CHTF18: variants seen among roughly 807,000 people sequenced by gnomAD.
CHTF18 encodes the protein chromosome transmission fidelity protein 18 homolog.
In CHTF18, 151 loss-of-function variants were observed where a neutral mutation model predicts 113.4. The observed-to-expected ratio is 1.33, with a 90% CI of 1.17 to 1.52. The LOEUF is 1.52. CHTF18 is among the 40% of genes most tolerant of loss of function. The pLI, the probability that CHTF18 is intolerant of heterozygous loss-of-function variation, is 0.00. For missense variants in CHTF18, 1,982 were observed against 1,381.6 expected, an observed-to-expected ratio of 1.43 and a Z score of -6.89; for synonymous variants, 916 against 598.8, an observed-to-expected ratio of 1.53 and a Z score of -7.74.
chr16:791,254 G>A lies in CHTF18; in HGVS notation c.988G>A (p.Glu330Lys), dbSNP rs368568398. 3.3e-4 allele frequency: 528 copies of A among 1,610,412 alleles called. No homozygotes were observed. The highest frequency in any genetic ancestry group is 5.0e-4 in the Admixed American group (30 of 59,812). Residue 330 changes from glutamate to lysine, a missense_variant, in exon 8 of 22, where the codon GAG becomes AAG. Physicochemically the swap from Glu to Lys is moderately conservative, Grantham distance 56. Transcript: ENST00000262315. ...RPSRKPRPSV[E>K]PARVSKEATA... ...TTCCCGGAAGCCCAGGCCCAGTGTT[G>A]AGCCGGCCCGGGTCAGCAAGGAGGC...
chr16:790,581 C>T lies in CHTF18; in HGVS notation c.809C>T (p.Pro270Leu), dbSNP rs185394565. 20 of 1,595,906 alleles carry T rather than the reference C, an allele frequency of 1.3e-5. No individual in the cohort carries two copies. The East Asian group carries it at 1.6e-4, about 13-fold the overall frequency. The change falls in exon 7 of 22, where the codon CCG (proline) becomes CTG (leucine). Residue 270 changes from proline to leucine, a missense_variant. By Grantham distance (98) the Pro-to-Leu change is moderately conservative. Transcript: ENST00000262315. ...CCCTTGGGGGCCCCTGAGGAGGAGC[C>T]GACTGACGGTCAAGACGCCTCCAGT... ...AQPLGAPEEE[P>L]TDGQDASSHC...
In CHTF18 at chr16:792,608, C is replaced by G; in HGVS notation, c.1478+18C>G. 1 of 1,591,814 alleles carries G rather than the reference C, an allele frequency of 6.3e-7. No individual in the cohort carries two copies. The highest frequency in any genetic ancestry group is 1.8e-5 in the Admixed American group (1 of 56,724). ...AATGACCAGTGAGTGCATGGGCGGGCGCCACAGTCAGGAGAGGCTCTGGTG... is the reference window on the plus strand; with the variant it reads ...AATGACCAGTGAGTGCATGGGCGGGGGCCACAGTCAGGAGAGGCTCTGGTG... On this transcript the variant is annotated intron_variant, in intron 11 of 21. Transcript: ENST00000262315.
At position 791,897 on chromosome 16, in the gene CHTF18, C is replaced by T; in HGVS notation, c.1151C>T (p.Ala384Val). The change falls in exon 9 of 22, where the codon GCA becomes GTA. Residue 384 changes from alanine (A) to valine (V), a missense_variant. Physicochemically the swap from Ala to Val is moderately conservative, Grantham distance 64. Coordinates refer to ENST00000262315, the MANE Select transcript of CHTF18 (RefSeq NM_022092.3). The part of the protein sequence containing the change: ...GPPGLGKTTL[A>V]HVIARHAGYS... ...CCGGGGCTGGGGAAGACCACCCTGG[C>T]ACACGTGATTGCGCGTCACGCGGGG... 1.9e-6 allele frequency: 3 copies of T among 1,609,958 alleles called. No individual in the cohort carries two copies. The highest frequency in any genetic ancestry group is 2.5e-6 in the Non-Finnish European group (3 of 1,178,852).
intron 3 of CHTF18, 55 bp downstream of exon 3, chr16:789,415 G>A: frequency 6.5e-7 from 1 of 1,537,410 alleles, no homozygotes; most frequent in Non-Finnish European, 8.8e-7. Context: ...GACTCAGATG[G>A]AGCCCATCCC....
chr16:793,108 A>G lies in CHTF18; in HGVS notation c.1672-36A>G, dbSNP rs1381341996. 3 of 1,564,534 alleles carry G rather than the reference A, an allele frequency of 1.9e-6. No individual in the cohort carries two copies. In the South Asian group the frequency reaches 3.6e-5, roughly 19 times the overall value. On this transcript the variant is annotated intron_variant, in intron 13 of 21. Transcript: ENST00000262315. The stretch of plus-strand genomic sequence containing the variant: ...CCGGGTGGGGTGGGGTGGGGTCAGG[A>G]GTTGGCCGCTTCTCATGCCCCCGCC...
chr16:795,756 C>A lies in CHTF18; in HGVS notation c.2247C>A (p.Arg749=). The part of the protein sequence containing the change: ...TLVSGIAPAT[R]SRATPQALLL... ...TGTCCGGCATCGCGCCAGCCACGCG[C>A]AGCCGGGCCACGCCCCAGGCCCTGC... The change falls in exon 17 of 22, where the codon CGC becomes CGA. Residue 749 remains arginine (R), a synonymous_variant. Transcript: ENST00000262315. The A allele has an allele frequency of 6.2e-7, 1 of 1,608,956 alleles. No homozygotes were observed. The highest frequency in any genetic ancestry group is 1.3e-5 in the African/African-American group (1 of 74,172).
chr16:796,775 C>G lies in CHTF18; in HGVS notation c.2515C>G (p.Gln839Glu), dbSNP rs1207826064. 6.2e-7 allele frequency: 1 copy of G among 1,609,766 alleles called. No homozygotes were observed. Among genetic ancestry groups the G allele is most frequent in the Non-Finnish European group, 8.5e-7 (1 of 1,179,622 alleles). ...GCCTGCCCGCAAGCCCCTCACCTACCAGACGAAGCAGCTCATCGCCCGCGA... is the reference window on the plus strand; with the variant it reads ...GCCTGCCCGCAAGCCCCTCACCTACGAGACGAAGCAGCTCATCGCCCGCGA... ...ELPARKPLTY[Q>E]TKQLIAREIE... is the part of the protein sequence containing the mutation. The change falls in exon 19 of 22, where the codon CAG becomes GAG. Residue 839 changes from glutamine (Q) to glutamate (E), a missense_variant. Transcript: ENST00000262315.
Position 794,220 on chromosome 16 carries a change from A to G in CHTF18, c.1950+19A>G, listed in dbSNP as rs745629193. On this transcript the variant is annotated intron_variant, in intron 15 of 21. Coordinates refer to ENST00000262315, the MANE Select transcript of CHTF18 (RefSeq NM_022092.3). Reference sequence around the variant, plus strand: ...GGTCCAGGTACCTGTCTTCCACCAAAATGCCTGCCTGGGGCCGCCTGGCTA... The same window carrying G: ...GGTCCAGGTACCTGTCTTCCACCAAGATGCCTGCCTGGGGCCGCCTGGCTA... 10 of 1,605,494 alleles carry G rather than the reference A, an allele frequency of 6.2e-6. No individual in the cohort carries two copies. Among genetic ancestry groups the G allele is most frequent in the Admixed American group, 1.7e-5 (1 of 59,794 alleles).
intron 15 of CHTF18, 113 bp from the exon 16 acceptor site, chr16:795,019 C>T (rs9930217): frequency 0.29 from 250,212 of 862,564 alleles, 42,717 homozygotes; most frequent in African/African-American, 0.59. Context: ...TGCGAAGCCT[C>T]GTGGGGCAGG....
chr16:791,797 G>C (rs764844967), intron 8 of CHTF18, 54 bp from the exon 9 acceptor site: 2 of 1,543,942 alleles, frequency 1.3e-6, no homozygotes, highest in East Asian at 2.4e-5. Flanking sequence ...CTGCTAGGCC[G>C]GGAGCGTCCT....
intron 4 of CHTF18, 84 bp from the exon 5 acceptor site, chr16:790,093 C>G (rs771378877): frequency 1.3e-6 from 2 of 1,539,530 alleles, no homozygotes; most frequent in Admixed American, 2.0e-5. Context: ...TTGTCCCACC[C>G]GGGTCCCTGA....
rs1290585525 is a variant in CHTF18, at chr16:789,288, C to T, written c.365C>T (p.Pro122Leu). The T allele has an allele frequency of 2.5e-6, 4 of 1,587,366 alleles. No individual in the cohort carries two copies. The highest frequency in any genetic ancestry group is 1.8e-5 in the Admixed American group (1 of 56,542). Reference sequence around the variant, plus strand: ...TCGGAGGAGATGGAGGAGCCGCCCCCTCCCGACTCCTCGCCGACGGACATC... The same window carrying T: ...TCGGAGGAGATGGAGGAGCCGCCCCTTCCCGACTCCTCGCCGACGGACATC... ...FRSEEMEEPP[P>L]PDSSPTDITP... The change falls in exon 3 of 22, where the codon CCT becomes CTT. Residue 122 changes from proline (P) to leucine (L), a missense_variant. Physicochemically the swap from Pro to Leu is moderately conservative, Grantham distance 98 (BLOSUM62 -3). Transcript: ENST00000262315.
At chr16:791,681 C>G (rs1307893745) in intron 8 of CHTF18, 170 bp from the exon 9 acceptor site, 1 of 1,424,092 alleles carries the variant, frequency 7.0e-7, no homozygotes, top group Non-Finnish European at 9.1e-7. Context: ...GTTTTTTTTT[C>G]CGTTGCCATC....
rs1278725723 is a variant in CHTF18, at chr16:790,658, A to G, written c.886A>G (p.Ser296Gly). The G allele has an allele frequency of 1.3e-6, 2 of 1,571,012 alleles. No individual in the cohort carries two copies. ...ACCCCGCCACTACACGGAGCTGCTC[A>G]GTGATGACGTGAGGTCTTGTTCTCA... ...FAPRHYTELL[S>G]DDFTNRCLLK... The change falls in exon 7 of 22, where the codon AGT (serine) becomes GGT (glycine). Residue 296 changes from serine (S) to glycine (G), a missense_variant. Coordinates refer to ENST00000262315, the MANE Select transcript of CHTF18 (RefSeq NM_022092.3).
At chr16:789,184 T>TGGGCGCGAGGCTGAGGAGGCCTCC in intron 2 of CHTF18, 26 bp from the exon 3 acceptor site, 1 of 1,550,270 alleles carries the variant, frequency 6.5e-7, no homozygotes, top group South Asian at 1.2e-5. Context: ...AGGAGGCCTC[T>TGGGCGCGAGGCTGAGGAGGCCTCC]GGTTCCCTGC....
intron 14 of CHTF18, chr16:793,742 T>A: frequency 1.5e-6 from 1 of 660,624 alleles, no homozygotes; most frequent in South Asian, 1.5e-5. Context: ...TGGGAGACGC[T>A]GGCCTGGGCC....
Position 789,251 on chromosome 16 carries a change from C to G in CHTF18, c.328C>G (p.Leu110Val), listed in dbSNP as rs2042092978. 3 of 1,558,340 alleles carry G rather than the reference C, an allele frequency of 1.9e-6. No homozygotes were observed. Among genetic ancestry groups the G allele is most frequent in the Non-Finnish European group, 2.6e-6 (3 of 1,151,972 alleles). Residue 110 changes from leucine (L) to valine (V), a missense_variant, in exon 3 of 22, where the codon CTG (leucine) becomes GTG (valine). By Grantham distance (32) the Leu-to-Val change is conservative. Coordinates refer to ENST00000262315, the MANE Select transcript of CHTF18 (RefSeq NM_022092.3). ...KRPRLQVVKR[L>V]NFRSEEMEEP... The stretch of plus-strand genomic sequence containing the variant: ...GCCTAGGCTGCAGGTGGTCAAGAGG[C>G]TGAACTTCAGATCGGAGGAGATGGA...
intron 14 of CHTF18, chr16:793,835 C>G (rs983969314): frequency 9.4e-6 from 6 of 636,742 alleles, no homozygotes; most frequent in African/African-American, 1.8e-5. Flanking sequence ...GGGCAGGGCT[C>G]CTCTCAGAGT....
Position 796,701 on chromosome 16 carries a change from C to T in CHTF18, c.2457-16C>T, listed in dbSNP as rs757784687. On this transcript the variant is annotated splice_polypyrimidine_tract_variant and intron_variant, in intron 18 of 21. Transcript: ENST00000262315. ...GGCCCCGCTGACCTGCCCTGGTGTCCCCCTGTGCTGAGCAGGAACGTGGAG... is the reference window on the plus strand; with the variant it reads ...GGCCCCGCTGACCTGCCCTGGTGTCTCCCTGTGCTGAGCAGGAACGTGGAG... 2 of 1,591,284 alleles carry T rather than the reference C, an allele frequency of 1.3e-6. No individual in the cohort carries two copies. Among genetic ancestry groups the T allele is most frequent in the East Asian group, 4.5e-5 (2 of 44,648 alleles).
Sources: allele counts gnomAD v4.1 joint callset, GRCh38; gene constraint gnomAD v4.1.1; transcripts MANE v1.5; gene names NCBI Gene and HGNC (gene_info 2026-07-23, HGNC 2026-07-21).